The following GXYLT1 variants were observed in gnomAD, a reference collection of about 807,000 sequenced individuals.
GXYLT1 encodes glycosyltransferase 8 domain containing 3.
In GXYLT1, 29 loss-of-function variants were observed where a neutral mutation model predicts 54.0. The ratio of observed to expected loss-of-function variants is 0.54; its 90% confidence interval spans 0.40 to 0.73. GXYLT1 has a LOEUF of 0.73. GXYLT1 is among the 30% of genes least tolerant of loss of function. GXYLT1 has a pLI of 0.00. For synonymous variants in GXYLT1, 176 were observed against 204.1 expected (o/e 0.86, Z 1.17); for missense variants, 490 against 553.4 (o/e 0.89, Z 1.15).
At chr12:42,095,285 C>T (rs894932683) in intron 7 of GXYLT1, among the ~76,000 whole-genome samples, 17 of 152,076 alleles carry the variant, frequency 1.1e-4, no homozygotes, top group African/African-American at 3.9e-4. Flanking sequence ...GAAGATTCAC[C>T]TTCCAACAAT....
chr12:42,144,393 C>T (rs1169103886), intron 1 of GXYLT1, 33 bp downstream of exon 1: 2 of 1,330,412 alleles, frequency 1.5e-6, no homozygotes, highest in Non-Finnish European at 9.7e-7. Flanking sequence ...GCCCCGCGCC[C>T]GCCGCGTCCC....
At chr12:42,101,585 T>A (rs188645805) in intron 5 of GXYLT1, among the ~76,000 whole-genome samples, 276 of 152,208 alleles carry the variant, frequency 1.8e-3, no homozygotes, top group African/African-American at 6.5e-3. Flanking sequence ...CTTTTTTTTT[T>A]TTTTGAGACA....
At chr12:42,124,330 TTC>T (rs2065548219) in intron 2 of GXYLT1, among the ~76,000 whole-genome samples, 1 of 152,022 alleles carries the variant, frequency 6.6e-6, no homozygotes, top group African/African-American at 2.4e-5. Flanking sequence ...AACAAAATAT[TTC>T]TGATATTTTG....
intron 5 of GXYLT1, among the ~76,000 whole-genome samples, chr12:42,099,867 T>C (rs1269060984): frequency 6.6e-6 from 1 of 152,142 alleles, no homozygotes; most frequent in African/African-American, 2.4e-5. Context: ...AAAAAAGTTA[T>C]GGTAATATTA....
rs186238857 is a variant in GXYLT1 at position 42,129,596 on chromosome 12, T to C, written c.314+163A>G. 5.2e-4 allele frequency among the ~76,000 whole-genome samples: 79 copies of C among 152,156 alleles called. 3 individuals carry two copies. Among genetic ancestry groups the C allele is most frequent in the African/African-American group, 1.7e-3 (69 of 41,530 alleles). On this transcript the variant is annotated intron_variant, in intron 2 of 7. Transcript: ENST00000398675. ...TTTATACACAGTATGTACTAAAAAA[T>C]AGCAATAACAACTACAAAATGGGAA... is the stretch of plus-strand genomic sequence containing the variant.
At chr12:42,136,665 T>A (rs1216146773) in intron 1 of GXYLT1, among the ~76,000 whole-genome samples, 2 of 152,154 alleles carry the variant, frequency 1.3e-5, no homozygotes, top group Non-Finnish European at 2.9e-5. Flanking sequence ...GGTGGTTACA[T>A]GTATTTACAT....
At position 42,098,012 on chromosome 12, in the gene GXYLT1, G is replaced by A. The variant is rs1357278358; in HGVS notation, c.886C>T (p.Leu296=). The A allele has an allele frequency of 1.2e-6, 2 of 1,606,830 alleles. No homozygotes were observed. Among genetic ancestry groups the A allele is most frequent in the Admixed American group, 3.4e-5 (2 of 59,276 alleles). ...GGCATAAGTATATCTCCCCATTGTA[G>A]TCGTACAGTTGTCATATCATTCTGT... The part of the protein sequence containing the change: ...YFKNDMTTVR[L]QWGDILMPLL... The change falls in exon 6 of 8, where the codon CTA becomes TTA. Residue 296 remains leucine, a synonymous_variant. Transcript: ENST00000398675.
chr12:42,105,960 A>G lies in GXYLT1; in HGVS notation c.722T>C (p.Ile241Thr), dbSNP rs761675604. The G allele has an allele frequency of 6.2e-7, 1 of 1,614,116 alleles. No homozygotes were observed. Among genetic ancestry groups the G allele is most frequent in the Admixed American group, 1.7e-5 (1 of 60,030 alleles). ...CTCATGTTCTGGTGCCATTGCAGCA[A>G]TTTGTGTGGAATTAAATTTCTTTAG... ...SLLKKFNSTQ[I>T]AAMAPEHEEP... The change falls in exon 5 of 8, where the codon ATT (isoleucine) becomes ACT (threonine). Residue 241 changes from isoleucine to threonine, a missense_variant. Ile to Thr is a moderately conservative substitution (Grantham distance 89). Transcript: ENST00000398675.
At chr12:42,105,751 G>T in intron 5 of GXYLT1, 67 bp downstream of exon 5, 2 of 1,281,456 alleles carry the variant, frequency 1.6e-6, no homozygotes, top group Non-Finnish European at 2.2e-6. Context: ...ATAAAATTTA[G>T]TTTTATTAAA....
chr12:42,109,581 C>G lies in GXYLT1; in HGVS notation c.597G>C (p.Gln199His). 6.5e-7 allele frequency: 1 copy of G among 1,535,870 alleles called. No individual in the cohort carries two copies. Among genetic ancestry groups the G allele is most frequent in the Non-Finnish European group, 8.8e-7 (1 of 1,140,734 alleles). The change falls in exon 4 of 8, where the codon CAG becomes CAC. Residue 199 changes from glutamine (Q) to histidine (H), a missense_variant. Gln to His is a conservative substitution (Grantham distance 24). This residue lies in a region of GXYLT1 where 342 missense variants were observed against 342.6 expected (regional missense o/e 1.00). Transcript: ENST00000398675. The stretch of plus-strand genomic sequence containing the variant: ...AAAAACTTACCGGCAAGAACAATCT[C>G]TGCGAAGCACATGGTTTAAAGAGTT... The part of the protein sequence containing the change: ...WKKLFKPCAS[Q>H]RLFLPLILKE...
chr12:42,092,859 G>GA lies in GXYLT1; in HGVS notation c.1161+4582dup, dbSNP rs202078458. Among the ~76,000 whole-genome samples, 463 of 149,244 alleles carry GA rather than the reference G, an allele frequency of 3.1e-3. 3 individuals carry two copies. The highest frequency in any genetic ancestry group is 8.6e-3 in the African/African-American group (349 of 40,758). Reference sequence around the variant, plus strand: ...ACTAACGCTAACAATAATGAGCTAAGAAAAAAAAAATCACAAAATAAATGT... The same window carrying GA: ...ACTAACGCTAACAATAATGAGCTAAGAAAAAAAAAAATCACAAAATAAATGT... On this transcript the variant is annotated intron_variant, in intron 7 of 7. Transcript: ENST00000398675.
chr12:42,121,104 G>A (rs1417896584), intron 2 of GXYLT1, among the ~76,000 whole-genome samples: 2 of 152,262 alleles, frequency 1.3e-5, no homozygotes, highest in African/African-American at 4.8e-5. Flanking sequence ...AATTTTTAGA[G>A]AATTCTAAAT....
intron 2 of GXYLT1, among the ~76,000 whole-genome samples, chr12:42,126,454 T>C (rs935885662): frequency 5.9e-5 from 9 of 152,118 alleles, no homozygotes; most frequent in Non-Finnish European, 1.5e-5. Context: ...GGATTTTTGA[T>C]TTTGTTTTAA....
chr12:42,106,591 C>T (rs1005240354), intron 4 of GXYLT1, among the ~76,000 whole-genome samples: 8 of 151,962 alleles, frequency 5.3e-5, no homozygotes, highest in Non-Finnish European at 1.2e-4. Flanking sequence ...TAGGTTGTGT[C>T]CCAACGAATC....
At chr12:42,131,397 G>A (rs1219013081) in intron 1 of GXYLT1, among the ~76,000 whole-genome samples, 2 of 152,170 alleles carry the variant, frequency 1.3e-5, no homozygotes, top group African/African-American at 4.8e-5. Flanking sequence ...AACAGTCTAA[G>A]GCAGGGGTTC....
intron 7 of GXYLT1, among the ~76,000 whole-genome samples, chr12:42,090,739 T>A (rs546475893): frequency 6.6e-6 from 1 of 152,180 alleles, no homozygotes; most frequent in Non-Finnish European, 1.5e-5. Flanking sequence ...AGGAAAACAT[T>A]CAAGACTGCT....
chr12:42,127,230 T>C (rs2065568027), intron 2 of GXYLT1, among the ~76,000 whole-genome samples: 1 of 152,238 alleles, frequency 6.6e-6, no homozygotes, highest in African/African-American at 2.4e-5. Flanking sequence ...TTGGCAGTTG[T>C]ATGGCATTTG....
chr12:42,118,003 G>A (rs2065507332), intron 3 of GXYLT1, among the ~76,000 whole-genome samples: 1 of 152,190 alleles, frequency 6.6e-6, no homozygotes, highest in Non-Finnish European at 1.5e-5. Context: ...CATGGACCAT[G>A]AAGCAGAAGC....
At chr12:42,125,376 G>A (rs1304502427) in intron 2 of GXYLT1, among the ~76,000 whole-genome samples, 1 of 152,164 alleles carries the variant, frequency 6.6e-6, no homozygotes, top group African/African-American at 2.4e-5. Context: ...TAGAAATACA[G>A]GTCTGGCTCT....
Sources: gnomAD v4.1 joint callset for allele counts (sites outside exome capture counted in the v4.1 genomes callset) on GRCh38, gnomAD v4.1.1 for gene constraint, gnomAD v4.1.1 regional missense constraint, MANE v1.5 for transcripts, NCBI Gene and HGNC (gene_info 2026-07-23, HGNC 2026-07-21) for gene names.